CATSPERB: variants seen among roughly 807,000 people sequenced by gnomAD.
CATSPERB encodes the protein cation channel sperm-associated auxiliary subunit beta.
Under a neutral mutation model 128.3 loss-of-function variants are expected in CATSPERB, and 93 were observed. The ratio of observed to expected loss-of-function variants is 0.72; its 90% CI spans 0.61 to 0.86. The LOEUF (loss-of-function observed/expected upper bound fraction) is 0.86, where lower values mean the gene tolerates loss of function less well. Ranked by LOEUF, CATSPERB falls within the 40% of genes least tolerant of loss-of-function variation. The pLI is 0.00. For missense variants in CATSPERB, 1,153 were observed against 1,329.5 expected, an observed-to-expected ratio of 0.87 and a Z score of 2.06; for synonymous variants, 381 against 448.8, an observed-to-expected ratio of 0.85 and a Z score of 1.91.
intron 18 of CATSPERB, among the ~76,000 whole-genome samples, chr14:91,624,597 C>A (rs1366193590): frequency 6.6e-6 from 1 of 150,642 alleles, no homozygotes; most frequent in Non-Finnish European, 1.5e-5. Flanking sequence ...GTCGAGATCG[C>A]GTCACTACAC....
At chr14:91,603,963 CTA>C (rs1027066055) in intron 22 of CATSPERB, among the ~76,000 whole-genome samples, 1 of 66,518 alleles carries the variant, frequency 1.5e-5, no homozygotes, top group Non-Finnish European at 3.0e-5. Flanking sequence ...AGAACTTCAT[CTA>C]TTTTTTTTTT....
rs181009507 is a variant in CATSPERB at position 91,676,762 on chromosome 14, C to G, written c.932-2540G>C. 1.1e-3 allele frequency among the ~76,000 whole-genome samples: 167 copies of G among 152,216 alleles called. 1 individual carries two copies. Among genetic ancestry groups the G allele is most frequent in the African/African-American group, 3.9e-3 (161 of 41,540 alleles). On this transcript the variant is annotated intron_variant, in intron 11 of 26. Coordinates refer to ENST00000256343, the MANE Select transcript of CATSPERB (RefSeq NM_024764.4). ...GGAACCAAAAAAGAGCCCGTATAGC[C>G]AAGACAATCCTAAGCAAAAAGAACA...
At chr14:91,729,030 G>C (rs1289441091) in intron 2 of CATSPERB, among the ~76,000 whole-genome samples, 1 of 152,148 alleles carries the variant, frequency 6.6e-6, no homozygotes, top group Non-Finnish European at 1.5e-5. Context: ...GCACTGTTCT[G>C]AGCAGTGTGA....
intron 14 of CATSPERB, 143 bp downstream of exon 14, chr14:91,669,671 A>G (rs1566725416): frequency 1.3e-6 from 1 of 782,620 alleles, no homozygotes; most frequent in Non-Finnish European, 1.9e-6. Flanking sequence ...TTAGTATACA[A>G]TAAATAGTCA....
intron 22 of CATSPERB, among the ~76,000 whole-genome samples, chr14:91,601,665 AT>A (rs965215726): frequency 1.0e-3 from 156 of 151,894 alleles, no homozygotes; most frequent in Non-Finnish European, 2.0e-3. Flanking sequence ...GGAAAAATAA[AT>A]TTTTTTTGGT....
In CATSPERB at chr14:91,624,819, C is replaced by A; in HGVS notation, c.1930+1G>T. ...GAGATGTATGATATTATTATACCTA[C>A]CTTGTGAATCAAGAGTGAGTTTATA... On this transcript the variant is annotated splice_donor_variant, in intron 18 of 26. Transcript: ENST00000256343. LOFTEE classifies it high-confidence loss of function. 6.3e-7 allele frequency: 1 copy of A among 1,584,384 alleles called. No individual in the cohort carries two copies. Among genetic ancestry groups the A allele is most frequent in the Non-Finnish European group, 8.5e-7 (1 of 1,169,636 alleles).
intron 22 of CATSPERB, chr14:91,604,419 G>T: frequency 1.7e-6 from 2 of 1,196,394 alleles, no homozygotes; most frequent in Non-Finnish European, 2.5e-6. Flanking sequence ...TCTTCAGGTT[G>T]CATGTTCGTG....
chr14:91,706,114 A>G (rs1000953502), intron 6 of CATSPERB, among the ~76,000 whole-genome samples: 5 of 152,232 alleles, frequency 3.3e-5, no homozygotes, highest in African/African-American at 1.2e-4. Context: ...CCAACTTTCA[A>G]TAAAATCTGC....
chr14:91,585,709 T>C (rs117910680), intron 26 of CATSPERB, among the ~76,000 whole-genome samples: 3,309 of 152,290 alleles, frequency 0.022, 55 homozygotes, highest in Middle Eastern at 0.065. Context: ...CTCTTCAGAA[T>C]TGATTATATT....
chr14:91,640,501 T>C (rs1446985529), intron 15 of CATSPERB, among the ~76,000 whole-genome samples: 3 of 116,506 alleles, frequency 2.6e-5, no homozygotes. Flanking sequence ...AGTGTTTGGT[T>C]TTTTGTTCTT....
rs542901029 is a variant in CATSPERB, at chr14:91,673,750, G to A, written c.978+426C>T. The stretch of plus-strand genomic sequence containing the variant: ...ATACAAAAATTAGCTGGACATGGTG[G>A]AGCGTGCCTGTAGTCCCAGCTACTT... On this transcript the variant is annotated intron_variant, in intron 12 of 26. Transcript: ENST00000256343. 2.6e-5 allele frequency among the ~76,000 whole-genome samples: 4 copies of A among 152,198 alleles called. No homozygotes were observed. In the East Asian group the frequency reaches 5.8e-4, roughly 22 times the overall value.
chr14:91,716,036 A>G (rs1895931734), intron 5 of CATSPERB, among the ~76,000 whole-genome samples: 1 of 152,208 alleles, frequency 6.6e-6, no homozygotes, highest in Non-Finnish European at 1.5e-5. Context: ...TAGCTGTGAT[A>G]TCAAAAGTAC....
At chr14:91,674,741 G>A (rs559019549) in intron 11 of CATSPERB, among the ~76,000 whole-genome samples, 18 of 152,250 alleles carry the variant, frequency 1.2e-4, no homozygotes, top group African/African-American at 3.9e-4. Flanking sequence ...AATCAGACAT[G>A]GAGACTCAGT....
intron 18 of CATSPERB, among the ~76,000 whole-genome samples, chr14:91,623,159 T>A (rs528236303): frequency 6.6e-6 from 1 of 152,238 alleles, no homozygotes; most frequent in South Asian, 2.1e-4. Flanking sequence ...CCTCCCAAAG[T>A]GCTGGGATTA....
At chr14:91,603,415 A>T in intron 22 of CATSPERB, 1 of 1,603,682 alleles carries the variant, frequency 6.2e-7, no homozygotes, top group South Asian at 1.1e-5. Context: ...GCACGTCCTC[A>T]TCCTTTATTC....
Position 91,621,820 on chromosome 14 carries a change from A to C in CATSPERB, c.2048T>G (p.Met683Arg), listed in dbSNP as rs1245063751. Residue 683 changes from methionine (M) to arginine (R), a missense_variant, in exon 19 of 27, where the codon ATG becomes AGG. Transcript: ENST00000256343. ...DNKNALAIATMPESAPNNMTF... is the reference protein window; with the variant it reads ...DNKNALAIATRPESAPNNMTF... ...CATATTGTTGGGTGCACTTTCAGGCATGGTAGCAATGGCTAATGCATTCTT... is the reference window on the plus strand; with the variant it reads ...CATATTGTTGGGTGCACTTTCAGGCCTGGTAGCAATGGCTAATGCATTCTT... The C allele has an allele frequency of 6.2e-7, 1 of 1,614,190 alleles. No homozygotes were observed. Among genetic ancestry groups the C allele is most frequent in the Non-Finnish European group, 8.5e-7 (1 of 1,180,008 alleles).
chr14:91,634,931 CA>C (rs1479213955), intron 17 of CATSPERB, among the ~76,000 whole-genome samples: 5 of 151,748 alleles, frequency 3.3e-5, no homozygotes, highest in Middle Eastern at 3.2e-3. Context: ...AGCCTATAAA[CA>C]GCAGAAATTT....
At chr14:91,673,350 C>G (rs1330751015) in intron 12 of CATSPERB, among the ~76,000 whole-genome samples, 1 of 152,152 alleles carries the variant, frequency 6.6e-6, no homozygotes, top group Non-Finnish European at 1.5e-5. Context: ...TTCCTACCTT[C>G]CTTTCTGTGT....
intron 11 of CATSPERB, among the ~76,000 whole-genome samples, chr14:91,679,352 AT>A (rs1895242988): frequency 6.6e-6 from 1 of 152,198 alleles, no homozygotes; most frequent in Non-Finnish European, 1.5e-5. Context: ...GTATGAGGAA[AT>A]ATCTTATATG....
Sources: gnomAD v4.1 joint callset for allele counts (sites outside exome capture counted in the v4.1 genomes callset) on GRCh38, gnomAD v4.1.1 for gene constraint, MANE v1.5 for transcripts, NCBI Gene and HGNC (gene_info 2026-07-23, HGNC 2026-07-21) for gene names.